Variants in SYT16 observed in about 807,000 individuals in gnomAD.
SYT16 encodes synaptotagmin-16.
SYT16 carries 42 observed loss-of-function variants against 61.4 expected under a neutral mutation model. The observed-to-expected ratio is 0.68, with a 90% CI of 0.53 to 0.89. The LOEUF (loss-of-function observed/expected upper bound fraction) is 0.89. Among genes scored for constraint, SYT16 ranks in the 40% least tolerant of loss-of-function variants. The pLI, the probability that SYT16 is intolerant of heterozygous loss-of-function variation, is 0.00. For synonymous variants in SYT16, 314 were observed against 302.3 expected (o/e 1.04, Z -0.40); for missense variants, 804 against 807.3 (o/e 1.00, Z 0.05).
chr14:61,955,285 G>T (rs1172334721), intron 1 of SYT16, among the ~76,000 whole-genome samples: 1 of 152,038 alleles, frequency 6.6e-6, no homozygotes, highest in Non-Finnish European at 1.5e-5. Flanking sequence ...TATTTTGGGG[G>T]TGAAGTCAAG....
At chr14:61,985,105 A>G (rs2052246543) in intron 2 of SYT16, among the ~76,000 whole-genome samples, 1 of 152,150 alleles carries the variant, frequency 6.6e-6, no homozygotes, top group Admixed American at 6.6e-5. Context: ...ATGTCATATT[A>G]TTAGCATTAC....
intron 3 of SYT16, among the ~76,000 whole-genome samples, chr14:62,057,856 T>C (rs1356018234): frequency 6.6e-6 from 1 of 152,134 alleles, no homozygotes; most frequent in Non-Finnish European, 1.5e-5. Flanking sequence ...ATATTGTACT[T>C]GTGAAACAAA....
chr14:61,901,333 C>A (rs1343764314), intron 1 of SYT16, among the ~76,000 whole-genome samples: 1 of 152,176 alleles, frequency 6.6e-6, no homozygotes, highest in Non-Finnish European at 1.5e-5. Flanking sequence ...ATGTGCCAGG[C>A]CTTTCCTAAT....
At chr14:61,942,274 A>G (rs1169812581) in intron 1 of SYT16, among the ~76,000 whole-genome samples, 1 of 152,216 alleles carries the variant, frequency 6.6e-6, no homozygotes, top group Non-Finnish European at 1.5e-5. Context: ...TAAATTTCCC[A>G]CACATAGAAC....
At chr14:62,037,401 G>A (rs566735272) in intron 3 of SYT16, among the ~76,000 whole-genome samples, 147 of 152,024 alleles carry the variant, frequency 9.7e-4, no homozygotes, top group Non-Finnish European at 1.3e-3. Flanking sequence ...CATGTGGTTC[G>A]GGATGTCTCT....
chr14:61,915,730 C>T (rs576010080), intron 1 of SYT16, among the ~76,000 whole-genome samples: 2 of 152,294 alleles, frequency 1.3e-5, no homozygotes, highest in South Asian at 2.1e-4. Flanking sequence ...TGTGTGTTGG[C>T]GTCCAGTGTG....
intron 2 of SYT16, among the ~76,000 whole-genome samples, chr14:61,994,109 C>A (rs2052668689): frequency 6.6e-6 from 1 of 151,996 alleles, no homozygotes; most frequent in Non-Finnish European, 1.5e-5. Flanking sequence ...GATAACTGTA[C>A]AAAATATGAT....
rs930233186 is a variant in SYT16 at position 62,105,735 on chromosome 14, C to T, written c.*5028C>T. The T allele has an allele frequency of 2.0e-5, 3 of 152,148 alleles. No individual in the cohort carries two copies. The East Asian group carries it at 5.8e-4, about 29-fold the overall frequency. 9.4% of individuals were successfully genotyped at this position (152,148 alleles called of 1,614,324 possible). A position where few individuals can be genotyped will look rare whatever the true frequency, so the allele number is the denominator to read the frequency against. On this transcript the variant is annotated 3_prime_UTR_variant, in exon 8 of 8. Transcript: ENST00000683842. ...TCTAGAGAAGTCTTCAGGAGCAAAC[C>T]ACTTCAAGTTCAGTGTAACCAGGTG...
intron 1 of SYT16, among the ~76,000 whole-genome samples, chr14:61,953,372 AT>A (rs899737391): frequency 2.3e-4 from 34 of 148,830 alleles, no homozygotes; most frequent in African/African-American, 5.4e-4. Flanking sequence ...AATGGTCCAA[AT>A]TTTTTTTTTT....
At chr14:62,069,202 A>C (rs1487568339) in intron 3 of SYT16, among the ~76,000 whole-genome samples, 2 of 152,250 alleles carry the variant, frequency 1.3e-5, no homozygotes, top group Non-Finnish European at 2.9e-5. Context: ...ATGAGATTAG[A>C]TGAAGAGCAT....
intron 1 of SYT16, among the ~76,000 whole-genome samples, chr14:61,816,886 T>C (rs111998054): frequency 0.15 from 21,858 of 150,482 alleles, 1,777 homozygotes; most frequent in African/African-American, 0.22. Flanking sequence ...TGGCGGGCGC[T>C]TGTAGTCCCA....
chr14:61,976,773 C>A (rs989103264), intron 2 of SYT16, among the ~76,000 whole-genome samples: 1 of 152,110 alleles, frequency 6.6e-6, no homozygotes, highest in Non-Finnish European at 1.5e-5. Flanking sequence ...CTCTGACATG[C>A]CCTGGAGACA....
At chr14:62,036,488 C>G (rs1418757060) in intron 3 of SYT16, among the ~76,000 whole-genome samples, 2 of 152,170 alleles carry the variant, frequency 1.3e-5, no homozygotes, top group South Asian at 2.1e-4. Context: ...TTTGCAGAGA[C>G]AGCATATGGA....
Position 61,844,805 on chromosome 14 carries a change from T to G in SYT16, c.-325+31995T>G, listed in dbSNP as rs184803487. 1.3e-3 allele frequency among the ~76,000 whole-genome samples: 192 copies of G among 152,300 alleles called. 1 individual carries two copies. Among genetic ancestry groups the G allele is most frequent in the African/African-American group, 4.3e-3 (179 of 41,556 alleles). On this transcript the variant is annotated intron_variant, in intron 1 of 7. Coordinates refer to ENST00000683842, the MANE Select transcript of SYT16 (RefSeq NM_001367656.1). ...TTTGGTAATATTTTGTTGAGGACCT[T>G]TGCATCAATATTCATCAGAGATATT...
intron 3 of SYT16, among the ~76,000 whole-genome samples, chr14:62,017,078 G>A (rs2053715507): frequency 6.6e-6 from 1 of 152,206 alleles, no homozygotes; most frequent in South Asian, 2.1e-4. Context: ...AAGAATCTTA[G>A]TGGCATGCTC....
chr14:61,833,694 G>A (rs1405096830), intron 1 of SYT16, among the ~76,000 whole-genome samples: 2 of 128,106 alleles, frequency 1.6e-5, no homozygotes, highest in Admixed American at 9.2e-5. Flanking sequence ...TAGCCACTGC[G>A]CCCAGCAGTG....
At chr14:62,043,557 A>G (rs1039398332) in intron 3 of SYT16, among the ~76,000 whole-genome samples, 46 of 151,618 alleles carry the variant, frequency 3.0e-4, no homozygotes, top group Non-Finnish European at 4.1e-4. Flanking sequence ...ACAGGCGCCC[A>G]CCACCATGCC....
intron 3 of SYT16, among the ~76,000 whole-genome samples, chr14:62,025,698 A>C (rs1453480978): frequency 6.6e-6 from 1 of 152,018 alleles, no homozygotes; most frequent in Non-Finnish European, 1.5e-5. Flanking sequence ...TCCAGCCCCA[A>C]AATGTCAAAA....
chr14:62,020,459 C>T (rs2053867861), intron 3 of SYT16, among the ~76,000 whole-genome samples: 1 of 152,160 alleles, frequency 6.6e-6, no homozygotes, highest in Admixed American at 6.6e-5. Flanking sequence ...AGAATAGTTC[C>T]TAAAGTTACC....
Sources: allele counts gnomAD v4.1 joint callset (sites outside exome capture counted in the v4.1 genomes callset), GRCh38; gene constraint gnomAD v4.1.1; transcripts MANE v1.5; gene names NCBI Gene and HGNC (gene_info 2026-07-23, HGNC 2026-07-21).